Variants in CALN1 observed in about 807,000 individuals in gnomAD.
CALN1 encodes calcium-binding protein 8.
A neutral mutation model predicts 30.6 loss-of-function variants in CALN1; 17 were observed. The observed-to-expected ratio is 0.56, with a 90% CI of 0.38 to 0.83. CALN1 has a LOEUF of 0.83. Among genes scored for constraint, CALN1 ranks in the 40% least tolerant of loss-of-function variants. The pLI, the probability that CALN1 is intolerant of heterozygous loss-of-function variation, is 0.00. For synonymous variants in CALN1, 156 were observed against 131.4 expected (o/e 1.19, Z -1.28); for missense variants, 291 against 354.9 (o/e 0.82, Z 1.45).
chr7:72,215,908 G>A (rs1265336023), intron 3 of CALN1, among the ~76,000 whole-genome samples: 1 of 152,100 alleles, frequency 6.6e-6, no homozygotes, highest in African/African-American at 2.4e-5. Flanking sequence ...TCCTCTAATG[G>A]GCAATCTTTG....
chr7:72,238,116 G>T (rs1218448884), intron 3 of CALN1, among the ~76,000 whole-genome samples: 1 of 152,174 alleles, frequency 6.6e-6, no homozygotes, highest in African/African-American at 2.4e-5. Context: ...TTTAGGGTCT[G>T]CAGGTGTTCA....
At chr7:72,501,096 A>G in the CALN1 span, among the ~76,000 whole-genome samples, 1 of 152,134 alleles carries the variant, frequency 6.6e-6, no homozygotes, top group East Asian at 1.9e-4. Context: ...ATATCTTCCA[A>G]GAAGAGCTTT....
At chr7:72,377,274 CTT>C (rs555766072) in intron 2 of CALN1, among the ~76,000 whole-genome samples, 3 of 152,120 alleles carry the variant, frequency 2.0e-5, no homozygotes, top group African/African-American at 7.2e-5. Context: ...TTTGGGGACT[CTT>C]GTCTTTAGCT....
chr7:71,817,723 C>T (rs1272337511), intron 5 of CALN1, among the ~76,000 whole-genome samples: 2 of 152,042 alleles, frequency 1.3e-5, no homozygotes, highest in Non-Finnish European at 1.5e-5. Context: ...ACCATGTTGG[C>T]CAGGATGGTC....
At chr7:72,444,540 C>T (rs1808461469) in intron 1 of CALN1, among the ~76,000 whole-genome samples, 1 of 152,168 alleles carries the variant, frequency 6.6e-6, no homozygotes, top group Admixed American at 6.6e-5. Flanking sequence ...TGTTTCCACG[C>T]CATGCCAGGC....
At chr7:72,151,223 G>A (rs1302421679) in intron 3 of CALN1, among the ~76,000 whole-genome samples, 5 of 152,108 alleles carry the variant, frequency 3.3e-5, no homozygotes, top group Admixed American at 3.3e-4. Context: ...CAAGGGCCTT[G>A]GGCAAGAATC....
chr7:72,263,708 G>A (rs1796427043), intron 3 of CALN1, among the ~76,000 whole-genome samples: 1 of 152,102 alleles, frequency 6.6e-6, no homozygotes, highest in Admixed American at 6.6e-5. Flanking sequence ...GAGCCACCAT[G>A]CCCAGCCTAA....
the CALN1 span, among the ~76,000 whole-genome samples, chr7:72,487,987 GA>G: frequency 2.0e-5 from 3 of 149,300 alleles, no homozygotes; most frequent in African/African-American, 7.5e-5. Flanking sequence ...AGGAAGGAAG[GA>G]AAGAAGAAAA....
At chr7:71,921,488 TCC>T (rs1794942459) in intron 5 of CALN1, among the ~76,000 whole-genome samples, 1 of 151,970 alleles carries the variant, frequency 6.6e-6, no homozygotes, top group Non-Finnish European at 1.5e-5. Context: ...ACAAAAGGAT[TCC>T]CTGAAATATT....
At chr7:72,331,360 GAAAAA>G (rs1251459522) in intron 2 of CALN1, among the ~76,000 whole-genome samples, 2 of 151,778 alleles carry the variant, frequency 1.3e-5, no homozygotes, top group Non-Finnish European at 1.5e-5. Context: ...AAAAAAGAAA[GAAAAA>G]AAAGAAAAAG....
intron 5 of CALN1, among the ~76,000 whole-genome samples, chr7:71,820,142 A>G (rs1343495769): frequency 6.6e-6 from 1 of 152,226 alleles, no homozygotes. Context: ...CTTCATCTGC[A>G]TAATAAAACC....
chr7:72,222,883 C>T (rs932501092), intron 3 of CALN1, among the ~76,000 whole-genome samples: 5 of 151,966 alleles, frequency 3.3e-5, no homozygotes, highest in Admixed American at 1.3e-4. Flanking sequence ...TATTCAGGCA[C>T]GGTGGTGTGC....
intron 5 of CALN1, among the ~76,000 whole-genome samples, chr7:71,974,968 G>T (rs750785472): frequency 2.5e-4 from 38 of 152,172 alleles, no homozygotes; most frequent in Non-Finnish European, 5.0e-4. Context: ...CCTTCTGTCT[G>T]GGGAAAGAAG....
At chr7:72,033,336 G>A (rs1387148510) in intron 4 of CALN1, among the ~76,000 whole-genome samples, 1 of 152,180 alleles carries the variant, frequency 6.6e-6, no homozygotes, top group African/African-American at 2.4e-5. Flanking sequence ...GGAAAAGTGG[G>A]TGGGCTTCAA....
intron 5 of CALN1, among the ~76,000 whole-genome samples, chr7:71,877,031 A>C (rs939809739): frequency 6.6e-6 from 1 of 152,198 alleles, no homozygotes; most frequent in African/African-American, 2.4e-5. Flanking sequence ...TTTTTAAAGA[A>C]AACTGATGAA....
At chr7:71,959,347 G>A (rs937483232) in intron 5 of CALN1, among the ~76,000 whole-genome samples, 2 of 152,154 alleles carry the variant, frequency 1.3e-5, no homozygotes, top group Non-Finnish European at 2.9e-5. Context: ...CTTGGAGATC[G>A]CAAACACAGG....
intron 2 of CALN1, among the ~76,000 whole-genome samples, chr7:72,369,358 T>A (rs6460719): frequency 8.0e-5 from 5 of 62,674 alleles, no homozygotes; most frequent in South Asian, 6.7e-4. Flanking sequence ...ATATTTATTT[T>A]TTTGTTGTTG....
intron 5 of CALN1, among the ~76,000 whole-genome samples, chr7:71,936,951 T>C (rs1019087446): frequency 6.6e-6 from 1 of 152,032 alleles, no homozygotes; most frequent in Non-Finnish European, 1.5e-5. Flanking sequence ...ATATAAGAAG[T>C]GCCTTTCATC....
intron 5 of CALN1, among the ~76,000 whole-genome samples, chr7:71,980,547 T>C (rs979682307): frequency 1.2e-4 from 19 of 152,280 alleles, no homozygotes; most frequent in South Asian, 4.1e-4. Context: ...CATAGGGATA[T>C]AGAAATGAAA....
Sources: gnomAD v4.1 joint callset for allele counts (sites outside exome capture counted in the v4.1 genomes callset) on GRCh38, gnomAD v4.1.1 for gene constraint, MANE v1.5 for transcripts, NCBI Gene and HGNC (gene_info 2026-07-23, HGNC 2026-07-21) for gene names.